Variants in TTN observed in about 807,000 individuals in gnomAD.
TTN encodes the protein titin, also known as connectin.
In TTN, 1,525 loss-of-function variants were observed where a neutral mutation model predicts 3,223.0. The observed-to-expected ratio is 0.47, with a 90% CI of 0.45 to 0.49. The LOEUF (loss-of-function observed/expected upper bound fraction) is 0.49. TTN is among the 20% of genes least tolerant of loss of function. The pLI is 0.00. For synonymous variants in TTN, 14,094 were observed against 15,161.0 expected (o/e 0.93, Z 5.17); for missense variants, 40,786 against 43,424.0 (o/e 0.94, Z 5.40).
intron 89 of TTN, 85 bp from the exon 90 acceptor site, chr2:178,715,349 G>C (rs569437723): frequency 7.3e-6 from 11 of 1,508,168 alleles, no homozygotes; most frequent in African/African-American, 2.8e-5. Flanking sequence ...CCATCAGAGA[G>C]ATAGAGAGTG....
intron 24 of TTN, chr2:178,778,308 C>T (rs2092440991): frequency 3.2e-6 from 1 of 310,786 alleles, no homozygotes; most frequent in African/African-American, 2.2e-5. Flanking sequence ...ACTAAAACAT[C>T]CTAATAAATG....
chr2:178,625,522 G>T (rs575487621), intron 240 of TTN, 126 bp from the exon 241 acceptor site: 4 of 990,242 alleles, frequency 4.0e-6, no homozygotes, highest in Non-Finnish European at 5.4e-6. Context: ...TATTTAGCAC[G>T]TATGCATTCA....
rs1197475799 is a variant in TTN at position 178,721,052 on chromosome 2, T to C, written c.22967A>G (p.Asn7656Ser). The C allele has an allele frequency of 6.2e-7, 1 of 1,613,402 alleles. No homozygotes were observed. Among genetic ancestry groups the C allele is most frequent in the South Asian group, 1.1e-5 (1 of 91,048 alleles). The change falls in exon 79 of 363, where the codon AAC (asparagine) becomes AGC (serine). Residue 7656 changes from asparagine (N) to serine (S), a missense_variant. Transcript: ENST00000589042. ...TGCCACAGAATTAATGAATGACATG[T>C]TGTATTTCCAACTTTCATGAAGTTC... ...DSELHESWKY[N>S]MSFINSVALL...
At chr2:178,796,441 A>G (rs1275855231) in intron 6 of TTN, among the ~76,000 whole-genome samples, 1 of 152,210 alleles carries the variant, frequency 6.6e-6, no homozygotes, top group East Asian at 1.9e-4. Context: ...CCCTAACAGT[A>G]CATTACAACA....
Position 178,587,408 on chromosome 2 carries a change from C to A in TTN, c.63803G>T (p.Gly21268Val). Residue 21268 changes from glycine (G) to valine (V), a missense_variant, in exon 307 of 363, where the codon GGG (glycine) becomes GTG (valine). Gly to Val is a moderately radical substitution (Grantham distance 109). Coordinates refer to ENST00000589042, the MANE Select transcript of TTN (RefSeq NM_001267550.2). ...TGAAACTTTTAAATCAGACACAGGC[C>A]CAGGAGTGTCTGTAAAGAATCATAA... is the stretch of plus-strand genomic sequence containing the variant. ...FVNVRVLDTP[G>V]PVSDLKVSDV... The A allele has an allele frequency of 6.2e-7, 1 of 1,608,512 alleles. No individual in the cohort carries two copies. The highest frequency in any genetic ancestry group is 8.5e-7 in the Non-Finnish European group (1 of 1,177,266).
rs2154177929 is a variant in TTN, at chr2:178,582,170, T to C, written c.66199A>G (p.Ile22067Val). 1 of 1,612,890 alleles carries C rather than the reference T, an allele frequency of 6.2e-7. No individual in the cohort carries two copies. The change falls in exon 315 of 363, where the codon ATA becomes GTA. Residue 22067 changes from isoleucine to valine, a missense_variant. By Grantham distance (29) the Ile-to-Val change is conservative (BLOSUM62 3). Transcript: ENST00000589042. ...CTGACTGTCATGTGATCTTTGGTTATGTTGCTAATAACAGGAGGATCACAG... is the reference window on the plus strand; with the variant it reads ...CTGACTGTCATGTGATCTTTGGTTACGTTGCTAATAACAGGAGGATCACAG... The part of the protein sequence containing the change: ...GRCDPPVISN[I>V]TKDHMTVSWK...
chr2:178,728,410 A>G lies in TTN; in HGVS notation c.19427-13T>C. 1 of 1,584,200 alleles carries G rather than the reference A, an allele frequency of 6.3e-7. No individual in the cohort carries two copies. Among genetic ancestry groups the G allele is most frequent in the African/African-American group, 1.4e-5 (1 of 73,912 alleles). On this transcript the variant is annotated splice_polypyrimidine_tract_variant and intron_variant, in intron 66 of 362. Transcript: ENST00000589042. ...GGAATATTTTGATCTGTCCAATGCA[A>G]ACAGCAAAACACATCCATTAATCTC...
At chr2:178,578,471 T>C (rs1482453042) in intron 321 of TTN, 140 bp downstream of exon 321, 2 of 637,900 alleles carry the variant, frequency 3.1e-6, no homozygotes, top group Non-Finnish European at 2.7e-6. Flanking sequence ...AAATTAAACA[T>C]TAACCATATG....
chr2:178,593,695 A>G lies in TTN; in HGVS notation c.58605T>C (p.Ala19535=), dbSNP rs757855064. ...DVWMPVTSAS[A]KTTCKVSKLL... ...GTTTAGAAACTTTGCATGTTGTTTT[A>G]GCACTTGCAGATGTCACTGGCATCC... The change falls in exon 298 of 363, where the codon GCT becomes GCC. Residue 19535 remains alanine, a synonymous_variant. Coordinates refer to ENST00000589042, the MANE Select transcript of TTN (RefSeq NM_001267550.2). The G allele has an allele frequency of 6.2e-7, 1 of 1,613,396 alleles. No homozygotes were observed. Among genetic ancestry groups the G allele is most frequent in the East Asian group, 2.2e-5 (1 of 44,726 alleles).
rs1008109670 is a variant in TTN at position 178,712,920 on chromosome 2, A to G, written c.27105T>C (p.Asn9035=). ...CTTTTACGATACTTGTGAAAGTTAC[A>G]TTGGTCCCAGTTAAAACATCCATGG... The part of the protein sequence containing the change: ...PDPMDVLTGT[N]VTFTSIVKGT... Residue 9035 remains asparagine (N), a synonymous_variant, in exon 94 of 363, where the codon AAT becomes AAC. Transcript: ENST00000589042. 1 of 1,613,248 alleles carries G rather than the reference A, an allele frequency of 6.2e-7. No homozygotes were observed.
Position 178,730,105 on chromosome 2 carries a change from G to C in TTN, c.18295C>G (p.Leu6099Val), listed in dbSNP as rs370109572. Residue 6099 changes from leucine (L) to valine (V), a missense_variant, in exon 62 of 363, where the codon CTC (leucine) becomes GTC (valine). By Grantham distance (32) the Leu-to-Val change is conservative. Transcript: ENST00000589042. Reference protein sequence around the residue: ...DVGTATSKATLFVKEPPQFIK... With the variant: ...DVGTATSKATVFVKEPPQFIK... ...GTAGAGACCAGACCTTTTACAAAGA[G>C]AGTGGCTTTGCTGGTTGCTGTGCCA... 1.9e-6 allele frequency: 3 copies of C among 1,588,684 alleles called. No individual in the cohort carries two copies. The highest frequency in any genetic ancestry group is 3.4e-5 in the Admixed American group (2 of 58,814).
chr2:178,743,001 CA>C, intron 47 of TTN: 1 of 151,924 alleles, frequency 6.6e-6, no homozygotes, highest in East Asian at 1.9e-4. Context: ...ACCATAAAAC[CA>C]TTGATAATTT....
At chr2:178,603,589 GAGTTTAT>G (rs2054016177) in intron 282 of TTN, among the ~76,000 whole-genome samples, 1 of 151,876 alleles carries the variant, frequency 6.6e-6, no homozygotes, top group South Asian at 2.1e-4. Flanking sequence ...GAAGACATAG[GAGTTTAT>G]AGTCCAGGTC....
In TTN at chr2:178,553,929, C is replaced by CT; in HGVS notation, c.89181dup (p.Ala29728SerfsTer3). 2 of 1,599,912 alleles carry CT rather than the reference C, an allele frequency of 1.3e-6. No individual in the cohort carries two copies. Among genetic ancestry groups the CT allele is most frequent in the Non-Finnish European group, 1.7e-6 (2 of 1,175,026 alleles). On this transcript the variant is annotated frameshift_variant, in exon 333 of 363. Transcript: ENST00000589042. LOFTEE classifies it high-confidence loss of function. Reference sequence around the variant, plus strand: ...GAGCACTTACCAATAGGATCAGCAGCTTTGTAGAATTCAGATGGTTCAGAA... The same window carrying CT: ...GAGCACTTACCAATAGGATCAGCAGCTTTTGTAGAATTCAGATGGTTCAGAA...
chr2:178,600,750 G>T, intron 288 of TTN, 104 bp downstream of exon 288: 1 of 1,363,298 alleles, frequency 7.3e-7, no homozygotes, highest in Non-Finnish European at 1.0e-6. Context: ...AGCCATAGTA[G>T]CTTCCTAAGG....
Position 178,574,250 on chromosome 2 carries a change from A to G in TTN, c.71882T>C (p.Val23961Ala), listed in dbSNP as rs886042407. The change falls in exon 326 of 363, where the codon GTT becomes GCT. Residue 23961 changes from valine (V) to alanine (A), a missense_variant. By Grantham distance (64) the Val-to-Ala change is moderately conservative (BLOSUM62 0). Coordinates refer to ENST00000589042, the MANE Select transcript of TTN (RefSeq NM_001267550.2). ...TGGFKITSYI[V>A]EKRDLPNGRW... ...TCCATTAGGAAGGTCTCTCTTTTCA[A>G]CGATATAACTGGTAATTTTAAAGCC... 47 of 1,612,750 alleles carry G rather than the reference A, an allele frequency of 2.9e-5. No homozygotes were observed. The highest frequency in any genetic ancestry group is 3.9e-5 in the Non-Finnish European group (46 of 1,179,162).
rs768683486 is a variant in TTN, at chr2:178,536,092, T to C, written c.100655A>G (p.Tyr33552Cys). The part of the protein sequence containing the change: ...KYRIQEFKGG[Y>C]HQLIIASVTD... ...GACACTTGCAATGATGAGCTGGTGG[T>C]AGCCACCCTTAAATTCTTGAATCCT... Residue 33552 changes from tyrosine (Y) to cysteine (C), a missense_variant, in exon 357 of 363, where the codon TAC becomes TGC. Tyr to Cys is a radical substitution (Grantham distance 194). Transcript: ENST00000589042. The C allele has an allele frequency of 1.9e-6, 3 of 1,611,316 alleles. No individual in the cohort carries two copies. The highest frequency in any genetic ancestry group is 2.5e-6 in the Non-Finnish European group (3 of 1,177,896).
At chr2:178,641,110 A>G (rs1363241381) in intron 220 of TTN, 131 bp downstream of exon 220, 8 of 619,148 alleles carry the variant, frequency 1.3e-5, no homozygotes, top group Non-Finnish European at 1.6e-5. Flanking sequence ...AATGGAAAAC[A>G]GAGACTACAT....
Position 178,543,234 on chromosome 2 carries a change from C to T in TTN, c.96739G>A (p.Glu32247Lys). Residue 32247 changes from glutamate to lysine, a missense_variant, in exon 347 of 363, where the codon GAG becomes AAG. Coordinates refer to ENST00000589042, the MANE Select transcript of TTN (RefSeq NM_001267550.2). The stretch of plus-strand genomic sequence containing the variant: ...AAGGTGACAACCTTCATCCATCTCT[C>T]TGTGCCAGCTTTGCAGGCCTCGAGA... ...YVLEACKAGTERWMKVVTLKP... is the reference protein window; with the variant it reads ...YVLEACKAGTKRWMKVVTLKP... 1.2e-6 allele frequency: 2 copies of T among 1,613,780 alleles called. No homozygotes were observed. Among genetic ancestry groups the T allele is most frequent in the South Asian group, 2.2e-5 (2 of 91,076 alleles).
Sources: gnomAD v4.1 joint callset for allele counts (sites outside exome capture counted in the v4.1 genomes callset) on GRCh38, gnomAD v4.1.1 for gene constraint, MANE v1.5 for transcripts, NCBI Gene and HGNC (gene_info 2026-07-23, HGNC 2026-07-21) for gene names.